The following SMIM3 variants were observed in gnomAD, a reference collection of about 807,000 sequenced individuals.
The protein encoded by SMIM3 is NGF-induced differentiation clone 67 protein.
A neutral mutation model predicts 2.1 loss-of-function variants in SMIM3; 4 were observed. The ratio of observed to expected loss-of-function variants is 1.89; its 90% CI spans 0.93 to 4.31. The LOEUF is 4.31. Ranked by LOEUF, SMIM3 falls within the 30% of genes most tolerant of loss-of-function variation. SMIM3 has a pLI of 0.01. For missense variants in SMIM3, 79 were observed against 77.7 expected (o/e 1.02, Z -0.06); for synonymous variants, 29 against 30.8 (o/e 0.94, Z 0.19).
intron 1 of SMIM3, among the ~76,000 whole-genome samples, chr5:150,791,303 T>G (rs979236124): frequency 2.0e-5 from 3 of 152,156 alleles, no homozygotes; most frequent in Non-Finnish European, 4.4e-5. Flanking sequence ...ACAGATCAGA[T>G]TCCTCTTAAA....
intron 1 of SMIM3, among the ~76,000 whole-genome samples, chr5:150,790,955 A>G (rs996782455): frequency 6.6e-6 from 1 of 152,138 alleles, no homozygotes; most frequent in African/African-American, 2.4e-5. Context: ...AGAATTATTA[A>G]GACAAAAACA....
chr5:150,789,204 A>G (rs1241817197), intron 1 of SMIM3, among the ~76,000 whole-genome samples: 2 of 152,246 alleles, frequency 1.3e-5, no homozygotes, highest in African/African-American at 4.8e-5. Context: ...TATATTAGAC[A>G]TACCAAGAAA....
intron 1 of SMIM3, among the ~76,000 whole-genome samples, chr5:150,785,580 C>CTTTTTTTT (rs35273478): frequency 1.8e-4 from 21 of 113,724 alleles, no homozygotes; most frequent in African/African-American, 5.4e-4. Flanking sequence ...TATTTCTTTT[C>CTTTTTTTT]TTTTTTTTTT....
intron 1 of SMIM3, among the ~76,000 whole-genome samples, chr5:150,783,561 A>G (rs1753258293): frequency 1.3e-5 from 2 of 152,248 alleles, no homozygotes. Flanking sequence ...GAGTTCTGGC[A>G]GTGCTGGGCT....
At chr5:150,794,040 T>C (rs1027310568) in intron 1 of SMIM3, among the ~76,000 whole-genome samples, 2 of 152,100 alleles carry the variant, frequency 1.3e-5, no homozygotes, top group East Asian at 1.9e-4. Context: ...CAAAAGAAGA[T>C]GTACAAATGG....
chr5:150,783,456 C>T (rs1037445005), intron 1 of SMIM3, among the ~76,000 whole-genome samples: 7 of 152,210 alleles, frequency 4.6e-5, no homozygotes, highest in South Asian at 2.1e-4. Flanking sequence ...TATCTTTGGA[C>T]GCCTCAGCAT....
At chr5:150,780,035 C>T (rs540915051) in intron 1 of SMIM3, among the ~76,000 whole-genome samples, 3 of 152,220 alleles carry the variant, frequency 2.0e-5, no homozygotes, top group East Asian at 1.9e-4. Flanking sequence ...GTGAAGGCTG[C>T]GCAATCACAC....
chr5:150,792,543 A>T (rs760116259), intron 1 of SMIM3, among the ~76,000 whole-genome samples: 39 of 152,154 alleles, frequency 2.6e-4, no homozygotes, highest in Non-Finnish European at 5.0e-4. Flanking sequence ...TGATTAAAAA[A>T]ATTATTTTTG....
At position 150,795,589 on chromosome 5, in the gene SMIM3, T is replaced by G. The variant is rs182871851; in HGVS notation, c.149T>G (p.Met50Arg). 88 of 1,575,780 alleles carry G rather than the reference T, an allele frequency of 5.6e-5. No homozygotes were observed. The highest frequency in any genetic ancestry group is 7.0e-5 in the Non-Finnish European group (82 of 1,166,450). The change falls in exon 2 of 2, where the codon ATG becomes AGG. Residue 50 changes from methionine (M) to arginine (R), a missense_variant. Physicochemically the swap from Met to Arg is moderately conservative, Grantham distance 91. Coordinates refer to ENST00000526627, the MANE Select transcript of SMIM3 (RefSeq NM_032947.5). The stretch of plus-strand genomic sequence containing the variant: ...GCCACTGCAGTAATCATCTATCGCA[T>G]GCGGACTCATCCGATCCTTAGTGGG... ...CPATAVIIYR[M>R]RTHPILSGAV
At chr5:150,793,293 T>C (rs1278842958) in intron 1 of SMIM3, among the ~76,000 whole-genome samples, 2 of 152,086 alleles carry the variant, frequency 1.3e-5, no homozygotes, top group Admixed American at 6.5e-5. Context: ...AATACCACCA[T>C]CATTCCTCAC....
At chr5:150,780,486 T>C (rs1753220340) in intron 1 of SMIM3, among the ~76,000 whole-genome samples, 1 of 152,190 alleles carries the variant, frequency 6.6e-6, no homozygotes, top group Admixed American at 6.5e-5. Context: ...TTACAAGTCA[T>C]GCTTCATGAA....
At chr5:150,780,984 A>G (rs1581620040) in intron 1 of SMIM3, among the ~76,000 whole-genome samples, 1 of 152,170 alleles carries the variant, frequency 6.6e-6, no homozygotes, top group South Asian at 2.1e-4. Context: ...TTTACTGAGT[A>G]CTTACTATAA....
At chr5:150,795,370 C>A in intron 1 of SMIM3, 60 bp from the exon 2 acceptor site, 1 of 1,577,872 alleles carries the variant, frequency 6.3e-7, no homozygotes, top group African/African-American at 1.3e-5. Context: ...GGGTTTCCTT[C>A]TAACCAGGGA....
rs35273478 is a variant in SMIM3 at position 150,785,580 on chromosome 5, C to CTTTTTTTTTTTTTTTTTTTTTTTTTTTTT, written c.-12+6628_-12+6629insTTTTTTTTTTTTTTTTTTTTTTTTTTTTT. 1.8e-5 allele frequency among the ~76,000 whole-genome samples: 2 copies of CTTTTTTTTTTTTTTTTTTTTTTTTTTTTT among 113,682 alleles called. 1 individual carries two copies. Among genetic ancestry groups the CTTTTTTTTTTTTTTTTTTTTTTTTTTTTT allele is most frequent in the African/African-American group, 6.0e-5 (2 of 33,342 alleles). The allele number at this position is 113,682 out of a possible 152,430, so 74.6% of individuals were successfully genotyped here. ...TCAGCAGATTTACTATATTTCTTTT[C>CTTTTTTTTTTTTTTTTTTTTTTTTTTTTT]TTTTTTTTTTTTTTTTTTTTGAAAT... On this transcript the variant is annotated intron_variant, in intron 1 of 1. Coordinates refer to ENST00000526627, the MANE Select transcript of SMIM3 (RefSeq NM_032947.5).
chr5:150,785,376 C>T (rs950320210), intron 1 of SMIM3, among the ~76,000 whole-genome samples: 13 of 151,246 alleles, frequency 8.6e-5, no homozygotes, highest in South Asian at 2.1e-4. Flanking sequence ...TGTGAGCCAC[C>T]GCACCTAGCC....
intron 1 of SMIM3, among the ~76,000 whole-genome samples, chr5:150,785,208 C>T (rs1753278036): frequency 6.7e-6 from 1 of 150,100 alleles, no homozygotes; most frequent in Non-Finnish European, 1.5e-5. Flanking sequence ...TTGCCTCAGT[C>T]TCCCGAGTAG....
chr5:150,782,701 T>G (rs10073328), intron 1 of SMIM3, among the ~76,000 whole-genome samples: 2,200 of 152,312 alleles, frequency 0.014, 46 homozygotes, highest in African/African-American at 0.049. Flanking sequence ...TTGGAGATAG[T>G]GTTCTGACTT....
intron 1 of SMIM3, among the ~76,000 whole-genome samples, chr5:150,791,915 A>G (rs1325203307): frequency 6.6e-6 from 1 of 152,210 alleles, no homozygotes; most frequent in East Asian, 1.9e-4. Flanking sequence ...AGTAAGTACT[A>G]TATACTTGTT....
intron 1 of SMIM3, among the ~76,000 whole-genome samples, chr5:150,794,646 T>G (rs986601317): frequency 3.3e-5 from 5 of 152,092 alleles, no homozygotes; most frequent in African/African-American, 4.8e-5. Context: ...GAATGATAAT[T>G]TGGACTTTGG....
Sources: allele counts gnomAD v4.1 joint callset (sites outside exome capture counted in the v4.1 genomes callset), GRCh38; gene constraint gnomAD v4.1.1; transcripts MANE v1.5; gene names NCBI Gene and HGNC (gene_info 2026-07-23, HGNC 2026-07-21).